RIMS1: variants seen among roughly 807,000 people sequenced by gnomAD.
RIMS1 encodes regulating synaptic membrane exocytosis 1, also known as regulating synaptic membrane exocytosis protein 1.
RIMS1 carries 83 observed loss-of-function variants against 214.1 expected under a neutral mutation model. The ratio of observed to expected loss-of-function variants is 0.39; its 90% CI spans 0.32 to 0.47. RIMS1 has a LOEUF of 0.47. Ranked by LOEUF, RIMS1 falls within the 20% of genes least tolerant of loss-of-function variation. The pLI, the probability that RIMS1 is intolerant of heterozygous loss-of-function variation, is 0.99. For missense variants in RIMS1, 2,050 were observed against 2,161.8 expected, an observed-to-expected ratio of 0.95 and a Z score of 1.03; for synonymous variants, 793 against 786.8, an observed-to-expected ratio of 1.01 and a Z score of -0.13.
intron 2 of RIMS1, among the ~76,000 whole-genome samples, chr6:71,995,634 T>A (rs148866999): frequency 6.6e-6 from 1 of 152,092 alleles, no homozygotes; most frequent in South Asian, 2.1e-4. Flanking sequence ...ATAAATATAC[T>A]TTCTGGAAGT....
At chr6:72,210,412 T>C (rs1025485056) in intron 6 of RIMS1, among the ~76,000 whole-genome samples, 2 of 152,176 alleles carry the variant, frequency 1.3e-5, no homozygotes, top group Admixed American at 1.3e-4. Context: ...AAGAATAGAA[T>C]ATGCAGTGTG....
At chr6:71,945,454 G>A (rs533007479) in intron 1 of RIMS1, among the ~76,000 whole-genome samples, 1 of 152,178 alleles carries the variant, frequency 6.6e-6, no homozygotes, top group South Asian at 2.1e-4. Context: ...AGAGCTAGAG[G>A]GAAGGAATTC....
chr6:72,290,384 C>T (rs1485663185), intron 24 of RIMS1, among the ~76,000 whole-genome samples: 2 of 150,882 alleles, frequency 1.3e-5, no homozygotes, highest in Non-Finnish European at 3.0e-5. Context: ...CTCTATAAAA[C>T]AAAACAAAAC....
rs570851583 is a variant in RIMS1 at position 72,137,904 on chromosome 6, T to C, written c.471+37918T>C. Among the ~76,000 whole-genome samples the C allele has an allele frequency of 2.6e-5, 4 of 151,920 alleles. No individual in the cohort carries two copies. In the East Asian group the frequency reaches 7.8e-4, roughly 29 times the overall value. ...GGTGCCCACCGCCACGCCCGGCTAA[T>C]TTTTTGTATTTTTAGTAGAGACGGG... On this transcript the variant is annotated intron_variant, in intron 4 of 33. Coordinates refer to ENST00000521978, the MANE Select transcript of RIMS1 (RefSeq NM_014989.7).
chr6:72,138,697 G>A (rs551574417), intron 4 of RIMS1, among the ~76,000 whole-genome samples: 3 of 151,972 alleles, frequency 2.0e-5, no homozygotes, highest in Non-Finnish European at 4.4e-5. Context: ...TTTGCATAAG[G>A]CACATTACAA....
At chr6:72,172,066 T>C (rs968143868) in intron 4 of RIMS1, among the ~76,000 whole-genome samples, 1 of 151,892 alleles carries the variant, frequency 6.6e-6, no homozygotes, top group African/African-American at 2.4e-5. Flanking sequence ...AAAAACTATA[T>C]CAAGGAGTTA....
intron 2 of RIMS1, among the ~76,000 whole-genome samples, chr6:72,052,996 T>C (rs902956828): frequency 6.6e-6 from 1 of 152,190 alleles, no homozygotes; most frequent in Non-Finnish European, 1.5e-5. Context: ...ACCCATTTAC[T>C]AGCTGGAGAG....
At chr6:72,147,815 C>T (rs2042949452) in intron 4 of RIMS1, among the ~76,000 whole-genome samples, 1 of 152,152 alleles carries the variant, frequency 6.6e-6, no homozygotes, top group African/African-American at 2.4e-5. Context: ...ATGGCCAATA[C>T]TTCTGGGTTT....
intron 27 of RIMS1, among the ~76,000 whole-genome samples, chr6:72,308,110 G>A (rs1215124695): frequency 6.6e-6 from 1 of 152,052 alleles, no homozygotes; most frequent in Non-Finnish European, 1.5e-5. Flanking sequence ...TATGTGATTT[G>A]AGATTTCTTA....
At chr6:71,906,285 A>G (rs570175902) in intron 1 of RIMS1, among the ~76,000 whole-genome samples, 2 of 152,234 alleles carry the variant, frequency 1.3e-5, no homozygotes, top group South Asian at 2.1e-4. Flanking sequence ...TTTAGTGTTG[A>G]GCAAATTCTC....
chr6:72,007,470 C>T (rs146646391), intron 2 of RIMS1, among the ~76,000 whole-genome samples: 35 of 152,232 alleles, frequency 2.3e-4, no homozygotes, highest in African/African-American at 6.0e-4. Flanking sequence ...GAAAGCTGGA[C>T]GGATAATGAC....
intron 2 of RIMS1, among the ~76,000 whole-genome samples, chr6:71,995,531 T>G (rs945735924): frequency 6.6e-6 from 1 of 151,840 alleles, no homozygotes; most frequent in Non-Finnish European, 1.5e-5. Context: ...TTTGTGTGTG[T>G]GTGTTTACTG....
At chr6:71,939,078 C>G (rs1281550273) in intron 1 of RIMS1, among the ~76,000 whole-genome samples, 1 of 152,174 alleles carries the variant, frequency 6.6e-6, no homozygotes, top group Non-Finnish European at 1.5e-5. Context: ...CCTAATTTAT[C>G]TCTCTTAAAT....
At chr6:72,347,864 T>G (rs2097318989) in intron 29 of RIMS1, among the ~76,000 whole-genome samples, 1 of 151,800 alleles carries the variant, frequency 6.6e-6, no homozygotes, top group African/African-American at 2.4e-5. Context: ...TTTTAGGGAG[T>G]TCTCATGTGG....
intron 29 of RIMS1, among the ~76,000 whole-genome samples, chr6:72,343,737 G>A (rs1309054957): frequency 1.3e-5 from 2 of 151,200 alleles, no homozygotes; most frequent in Admixed American, 6.6e-5. Context: ...GGTCCATAGT[G>A]GAGTTCAAAA....
At chr6:72,166,485 G>T (rs921949108) in intron 4 of RIMS1, among the ~76,000 whole-genome samples, 3 of 152,098 alleles carry the variant, frequency 2.0e-5, no homozygotes, top group African/African-American at 7.2e-5. Flanking sequence ...GCAATATTTT[G>T]TAAATGTTAG....
intron 29 of RIMS1, among the ~76,000 whole-genome samples, chr6:72,343,378 T>TTAA (rs1053428287): frequency 6.6e-5 from 10 of 151,400 alleles, no homozygotes; most frequent in Non-Finnish European, 1.3e-4. Context: ...CATATTATTA[T>TTAA]TATTATTATT....
chr6:72,063,017 G>A (rs1051583771), intron 2 of RIMS1, among the ~76,000 whole-genome samples: 8 of 152,064 alleles, frequency 5.3e-5, no homozygotes, highest in Non-Finnish European at 8.8e-5. Flanking sequence ...CTTGGGATTA[G>A]GACTCTAGGA....
chr6:72,203,158 T>C (rs571754588), intron 6 of RIMS1, among the ~76,000 whole-genome samples: 1 of 152,168 alleles, frequency 6.6e-6, no homozygotes, highest in African/African-American at 2.4e-5. Context: ...TGGCTAATTT[T>C]TTGTATTTTT....
Sources: allele counts gnomAD v4.1 joint callset (sites outside exome capture counted in the v4.1 genomes callset), GRCh38; gene constraint gnomAD v4.1.1; transcripts MANE v1.5; gene names NCBI Gene and HGNC (gene_info 2026-07-23, HGNC 2026-07-21).